PRSS23: variants seen among roughly 807,000 people sequenced by gnomAD.
The protein encoded by PRSS23 is serine protease 23, also known as protease, serine 23.
In PRSS23, 25 loss-of-function variants were observed where a neutral mutation model predicts 34.7. The observed-to-expected ratio is 0.72, with a 90% CI of 0.53 to 1.01. The LOEUF is 1.01. PRSS23 is among the 50% of genes least tolerant of loss of function. PRSS23 has a pLI of 0.00. For synonymous variants in PRSS23, 176 were observed against 186.6 expected (o/e 0.94, Z 0.46); for missense variants, 445 against 475.6 (o/e 0.94, Z 0.60).
intron 2 of PRSS23, among the ~76,000 whole-genome samples, chr11:86,823,949 T>C (rs950106200): frequency 1.7e-5 from 2 of 119,876 alleles, no homozygotes; most frequent in African/African-American, 3.3e-5. Flanking sequence ...GAGCTTGCAG[T>C]GAGCCGAGAT....
intron 2 of PRSS23, among the ~76,000 whole-genome samples, chr11:86,885,871 T>G (rs1259373359): frequency 6.6e-6 from 1 of 152,228 alleles, no homozygotes; most frequent in Non-Finnish European, 1.5e-5. Flanking sequence ...TCTTTCATTT[T>G]AAAAGAAGAA....
At chr11:86,814,562 A>G (rs1369762415), downstream of PRSS23, among the ~76,000 whole-genome samples, 1 of 152,134 alleles carries the variant, frequency 6.6e-6, no homozygotes, top group African/African-American at 2.4e-5. Context: ...CTATGGTGGG[A>G]AAGACGGGGT....
intron 2 of PRSS23, among the ~76,000 whole-genome samples, chr11:86,929,297 G>A (rs1321027110): frequency 6.6e-6 from 1 of 150,578 alleles, no homozygotes; most frequent in Middle Eastern, 3.2e-3. Flanking sequence ...ACTCCAGCCT[G>A]GGCAACAACA....
rs577048598 is a variant in PRSS23 at position 86,951,336 on chromosome 11, T to C, written c.*51T>C. 4.3e-6 allele frequency: 7 copies of C among 1,613,894 alleles called. No individual in the cohort carries two copies. Among genetic ancestry groups the C allele is most frequent in the African/African-American group, 4.0e-5 (3 of 75,034 alleles). On this transcript the variant is annotated 3_prime_UTR_variant, in exon 3 of 3. Coordinates refer to the PRSS23 transcript ENST00000533902. ...AAAATTTTCAACATTTCAACAGCCATGTTGGAATCATCTGCAGAATACCGA... is the reference window on the plus strand; with the variant it reads ...AAAATTTTCAACATTTCAACAGCCACGTTGGAATCATCTGCAGAATACCGA...
In PRSS23 at chr11:86,857,196, C is replaced by T. The variant is rs115133125; in HGVS notation, c.206+33603C>T. ...ACATCACTGATGCCACCACTCCATT[C>T]CTGGGAGATGATGACACAGCTGAAG... On this transcript the variant is annotated intron_variant, in intron 2 of 2. Coordinates refer to the PRSS23 transcript ENST00000533902. 1,601 of 329,268 alleles carry T rather than the reference C, an allele frequency of 4.9e-3. 30 individuals are homozygous for T. Among genetic ancestry groups the T allele is most frequent in the African/African-American group, 0.032 (1,443 of 45,246 alleles). The allele number at this position is 329,268 out of a possible 1,614,324, so 20.4% of individuals were successfully genotyped here. A position where few individuals can be genotyped will look rare whatever the true frequency, so the allele number is the denominator to read the frequency against.
chr11:86,857,693 CA>C (rs878960842), intron 2 of PRSS23: 3 of 609,312 alleles, frequency 4.9e-6, no homozygotes, highest in South Asian at 2.8e-5. Context: ...TCTATACATG[CA>C]AAAAGGACAA....
At chr11:86,914,174 C>T (rs551254918) in intron 2 of PRSS23, among the ~76,000 whole-genome samples, 9 of 151,996 alleles carry the variant, frequency 5.9e-5, no homozygotes, top group Admixed American at 2.0e-4. Flanking sequence ...TGCAGCAAGC[C>T]GAGATCGTGC....
At chr11:86,854,610 G>A (rs954582023) in intron 2 of PRSS23, among the ~76,000 whole-genome samples, 3 of 152,106 alleles carry the variant, frequency 2.0e-5, no homozygotes, top group Non-Finnish European at 2.9e-5. Context: ...TAAAGGTTTT[G>A]GCAGCGTTTT....
upstream of PRSS23, among the ~76,000 whole-genome samples, chr11:86,795,878 T>C (rs1947977564): frequency 6.6e-6 from 1 of 152,244 alleles, no homozygotes; most frequent in South Asian, 2.1e-4. Flanking sequence ...TTGATAACTT[T>C]CAAACTGACT....
At chr11:86,904,064 T>C (rs1003117123) in intron 2 of PRSS23, among the ~76,000 whole-genome samples, 3 of 152,082 alleles carry the variant, frequency 2.0e-5, no homozygotes, top group Admixed American at 6.5e-5. Context: ...ATGGCTGGAA[T>C]GAGGTAAATC....
At chr11:86,896,345 G>T (rs1948875833) in intron 2 of PRSS23, 1 of 136,394 alleles carries the variant, frequency 7.3e-6, no homozygotes, top group African/African-American at 2.6e-5. Context: ...CTTTAATATA[G>T]CATTGACCTT....
intron 2 of PRSS23, chr11:86,924,977 G>T (rs963308596): frequency 6.6e-6 from 1 of 152,182 alleles, no homozygotes; most frequent in East Asian, 1.9e-4. Context: ...TTAACTCACC[G>T]AGGGGAGTTG....
intron 2 of PRSS23, among the ~76,000 whole-genome samples, chr11:86,912,703 AAC>A (rs1948985640): frequency 1.3e-5 from 2 of 152,134 alleles, no homozygotes; most frequent in Non-Finnish European, 2.9e-5. Context: ...TCATGTCCTT[AAC>A]CACGGTTATA....
chr11:86,801,619 T>A (rs575642502), intron 1 of PRSS23, among the ~76,000 whole-genome samples: 71 of 152,346 alleles, frequency 4.7e-4, no homozygotes, highest in African/African-American at 1.7e-3. Flanking sequence ...GAATTGAATT[T>A]ATAGATGAGG....
intron 2 of PRSS23, among the ~76,000 whole-genome samples, chr11:86,869,159 T>A (rs1948669110): frequency 6.6e-6 from 1 of 152,196 alleles, no homozygotes; most frequent in South Asian, 2.1e-4. Flanking sequence ...TAATGTCAGC[T>A]ATGCAAATGA....
intron 2 of PRSS23, among the ~76,000 whole-genome samples, chr11:86,905,242 A>G (rs186464771): frequency 2.6e-5 from 4 of 152,368 alleles, no homozygotes; most frequent in African/African-American, 9.6e-5. Flanking sequence ...TATTCAGCAC[A>G]TAGTGGCTAT....
intron 2 of PRSS23, among the ~76,000 whole-genome samples, chr11:86,900,611 C>G (rs1331914257): frequency 1.3e-5 from 2 of 152,080 alleles, no homozygotes; most frequent in African/African-American, 4.8e-5. Flanking sequence ...CACTCTTCCC[C>G]ACCATGACTA....
chr11:86,814,995 A>T (rs540810566), downstream of PRSS23, among the ~76,000 whole-genome samples: 40 of 152,320 alleles, frequency 2.6e-4, no homozygotes, highest in African/African-American at 9.6e-4. Context: ...TATTAAAAGG[A>T]CTAAGGCCCT....
intron 2 of PRSS23, among the ~76,000 whole-genome samples, chr11:86,867,146 G>A (rs776733898): frequency 4.6e-5 from 7 of 152,188 alleles, no homozygotes; most frequent in Non-Finnish European, 8.8e-5. Context: ...ACATATACTA[G>A]TGAGTTTCTA....
Sources: gnomAD v4.1 joint callset for allele counts (sites outside exome capture counted in the v4.1 genomes callset) on GRCh38, gnomAD v4.1.1 for gene constraint, MANE v1.5 for transcripts, NCBI Gene and HGNC (gene_info 2026-07-23, HGNC 2026-07-21) for gene names.